The following TRMT13 variants were observed in gnomAD, a reference collection of about 807,000 sequenced individuals.
The protein encoded by TRMT13 is tRNA:m(4)X modification enzyme TRM13 homolog.
In TRMT13, 45 loss-of-function variants were observed where a neutral mutation model predicts 55.9. The ratio of observed to expected loss-of-function variants is 0.80; its 90% CI spans 0.63 to 1.03. The LOEUF is 1.03. Among genes scored for constraint, TRMT13 ranks in the 50% least tolerant of loss-of-function variants. The pLI is 0.00. For synonymous variants in TRMT13, 183 were observed against 196.3 expected, an observed-to-expected ratio of 0.93 and a Z score of 0.57; for missense variants, 513 against 563.9, an observed-to-expected ratio of 0.91 and a Z score of 0.91.
chr1:100,141,084 A>C, intron 7 of TRMT13, 65 bp downstream of exon 7: 2 of 1,372,080 alleles, frequency 1.5e-6, no homozygotes, highest in Non-Finnish European at 2.0e-6. Context: ...TTCAGGAAAA[A>C]AGTGATAGAA....
At position 100,140,543 on chromosome 1, in the gene TRMT13, C is replaced by A. The variant is rs1299141394; in HGVS notation, c.501+29C>A. ...TGTTTAGGCTATAGTAACTACTAAA[C>A]ATGGCCTTTGTTCATTTGTTAAAAC... On this transcript the variant is annotated intron_variant, in intron 6 of 10. Coordinates refer to ENST00000370141, the MANE Select transcript of TRMT13 (RefSeq NM_019083.3). The A allele has an allele frequency of 2.7e-6, 4 of 1,462,846 alleles. No individual in the cohort carries two copies. In the East Asian group the frequency reaches 9.1e-5, roughly 33 times the overall value. The allele number at this position is 1,462,846 out of a possible 1,614,324, so 90.6% of individuals were successfully genotyped here.
chr1:100,139,587 T>C (rs558989101), intron 3 of TRMT13, 62 bp from the exon 4 acceptor site: 4 of 978,338 alleles, frequency 4.1e-6, no homozygotes, highest in Admixed American at 2.0e-5. Context: ...ATCAGTATTT[T>C]AGTTTAATTT....
rs1196334875 is a variant in TRMT13, at chr1:100,149,467, A to T, written c.*647A>T. ...TCAAAGAAAAAAGATTATTTCACTT[A>T]ATTATTTTGTTGGATAATTGTCTAG... On this transcript the variant is annotated 3_prime_UTR_variant, in exon 11 of 11. Transcript: ENST00000370141. The T allele has an allele frequency of 2.6e-6, 4 of 1,526,656 alleles. No homozygotes were observed. In the Admixed American group the frequency reaches 8.6e-5, roughly 33 times the overall value. The allele number at this position is 1,526,656 out of a possible 1,614,324, so 94.6% of individuals were successfully genotyped here.
chr1:100,146,946 CTAA>C (rs1657342811), intron 9 of TRMT13, among the ~76,000 whole-genome samples: 1 of 152,190 alleles, frequency 6.6e-6, no homozygotes, highest in Non-Finnish European at 1.5e-5. Context: ...TAATGGGTTT[CTAA>C]TGTTTGTTGA....
intron 7 of TRMT13, 43 bp from the exon 8 acceptor site, chr1:100,143,094 A>C (rs1390386416): frequency 7.7e-7 from 1 of 1,298,624 alleles, no homozygotes; most frequent in Non-Finnish European, 1.1e-6. Context: ...AAGCTTTTTT[A>C]AATGTAAGAA....
At position 100,148,234 on chromosome 1, in the gene TRMT13, C is replaced by A; in HGVS notation, c.1158C>A (p.Thr386=). The change falls in exon 10 of 11, where the codon ACC becomes ACA. Residue 386 remains threonine (T), a synonymous_variant. Coordinates refer to ENST00000370141, the MANE Select transcript of TRMT13 (RefSeq NM_019083.3). ...CATCTTTGGAAACCTCAAATAGTAC[C>A]ACAAAGAGGCAAGATAATCAGAATG... ...RKTSLETSNS[T]TKRQDNQNDD... is the part of the protein sequence containing the mutation. 1 of 1,613,986 alleles carries A rather than the reference C, an allele frequency of 6.2e-7. No homozygotes were observed. Among genetic ancestry groups the A allele is most frequent in the South Asian group, 1.1e-5 (1 of 91,078 alleles).
At chr1:100,138,085 C>T (rs1656114874) in intron 3 of TRMT13, among the ~76,000 whole-genome samples, 2 of 152,138 alleles carry the variant, frequency 1.3e-5, no homozygotes, top group South Asian at 2.1e-4. Flanking sequence ...TGCATACCAA[C>T]ACACAGTGGC....
At chr1:100,144,184 GT>G in intron 9 of TRMT13, 41 bp downstream of exon 9, 1 of 1,547,518 alleles carries the variant, frequency 6.5e-7, no homozygotes, top group Non-Finnish European at 8.9e-7. Flanking sequence ...AATGCATTAA[GT>G]TTTGGCCTAA....
At chr1:100,136,173 T>A (rs1376763265) in intron 1 of TRMT13, among the ~76,000 whole-genome samples, 1 of 152,240 alleles carries the variant, frequency 6.6e-6, no homozygotes, top group Non-Finnish European at 1.5e-5. Context: ...GAGTAGGATG[T>A]AACTGATAGT....
Position 100,149,677 on chromosome 1 carries a change from A to G in TRMT13, c.*857A>G, listed in dbSNP as rs1657761597. 3.1e-6 allele frequency: 1 copy of G among 320,620 alleles called. No homozygotes were observed. The highest frequency in any genetic ancestry group is 2.2e-5 in the African/African-American group (1 of 45,088). 19.9% of individuals were successfully genotyped at this position (320,620 alleles called of 1,614,324 possible). ...AAATAGAAATTAGATAATGAAACCA[A>G]AAACCTTCTCAAATTTAGGCCTTAT... is the stretch of plus-strand genomic sequence containing the variant. On this transcript the variant is annotated 3_prime_UTR_variant, in exon 11 of 11. Coordinates refer to ENST00000370141, the MANE Select transcript of TRMT13 (RefSeq NM_019083.3).
chr1:100,148,041 A>G lies in TRMT13; in HGVS notation c.965A>G (p.Glu322Gly). The change falls in exon 10 of 11, where the codon GAG becomes GGG. Residue 322 changes from glutamate (E) to glycine (G), a missense_variant. By Grantham distance (98) the Glu-to-Gly change is moderately conservative. Transcript: ENST00000370141. ...AKEGNEKNVP[E>G]KWNPVAGIVI... ...GAAGGAAATGAAAAAAATGTCCCAGAGAAGTGGAACCCTGTGGCTGGCATT... is the reference window on the plus strand; with the variant it reads ...GAAGGAAATGAAAAAAATGTCCCAGGGAAGTGGAACCCTGTGGCTGGCATT... The G allele has an allele frequency of 6.2e-7, 1 of 1,614,226 alleles. No homozygotes were observed. The highest frequency in any genetic ancestry group is 8.5e-7 in the Non-Finnish European group (1 of 1,180,036).
intron 10 of TRMT13, 116 bp downstream of exon 10, chr1:100,148,442 A>G (rs1657568526): frequency 8.5e-7 from 1 of 1,176,772 alleles, no homozygotes; most frequent in African/African-American, 1.6e-5. Context: ...TAATTTTAGA[A>G]TAAGCTAAAA....
intron 9 of TRMT13, 21 bp downstream of exon 9, chr1:100,144,164 T>C (rs1028020338): frequency 1.2e-6 from 2 of 1,601,128 alleles, no homozygotes; most frequent in South Asian, 1.1e-5. Context: ...ATACTGATAA[T>C]GTTTACATTA....
chr1:100,139,728 A>C lies in TRMT13; in HGVS notation c.324+17A>C. Reference sequence around the variant, plus strand: ...GAACAATTAGTAAGTACATTGACTTAATATTTAATTTTAAAAGATATTTAT... The same window carrying C: ...GAACAATTAGTAAGTACATTGACTTCATATTTAATTTTAAAAGATATTTAT... On this transcript the variant is annotated intron_variant, in intron 4 of 10. Transcript: ENST00000370141. 7.1e-7 allele frequency: 1 copy of C among 1,410,746 alleles called. No individual in the cohort carries two copies. Among genetic ancestry groups the C allele is most frequent in the South Asian group, 1.2e-5 (1 of 81,368 alleles). 87.4% of individuals were successfully genotyped at this position (1,410,746 alleles called of 1,614,324 possible).
intron 9 of TRMT13, among the ~76,000 whole-genome samples, chr1:100,145,006 CAT>C (rs1166970590): frequency 2.0e-5 from 3 of 152,196 alleles, no homozygotes; most frequent in Non-Finnish European, 2.9e-5. Context: ...ACAATGGACT[CAT>C]ATATGACAGT....
chr1:100,136,311 G>A (rs568778044), intron 1 of TRMT13, among the ~76,000 whole-genome samples: 2 of 152,248 alleles, frequency 1.3e-5, no homozygotes, highest in Non-Finnish European at 2.9e-5. Context: ...AAATCCATAT[G>A]TCAATGGGCA....
chr1:100,141,536 C>T (rs925907394), intron 7 of TRMT13, among the ~76,000 whole-genome samples: 12 of 152,182 alleles, frequency 7.9e-5, no homozygotes, highest in African/African-American at 2.9e-4. Context: ...CTCACTTTGT[C>T]GCCCAGGCTG....
intron 1 of TRMT13, among the ~76,000 whole-genome samples, chr1:100,135,395 T>A (rs1368313063): frequency 6.6e-6 from 1 of 150,888 alleles, no homozygotes. Context: ...AAAAAAAAAA[T>A]TTCTTAGCTT....
chr1:100,147,878 A>G lies in TRMT13; in HGVS notation c.818-16A>G. 1 of 1,574,574 alleles carries G rather than the reference A, an allele frequency of 6.4e-7. No individual in the cohort carries two copies. The highest frequency in any genetic ancestry group is 8.6e-7 in the Non-Finnish European group (1 of 1,163,172). On this transcript the variant is annotated splice_polypyrimidine_tract_variant and intron_variant, in intron 9 of 10. Coordinates refer to ENST00000370141, the MANE Select transcript of TRMT13 (RefSeq NM_019083.3). ...AGATGATGTGGTTTGGGGGGGCCAC[A>G]TAATTGTGTTTGCAGATCTTGCATT... is the stretch of plus-strand genomic sequence containing the variant.
Sources: gnomAD v4.1 joint callset for allele counts (sites outside exome capture counted in the v4.1 genomes callset) on GRCh38, gnomAD v4.1.1 for gene constraint, MANE v1.5 for transcripts, NCBI Gene and HGNC (gene_info 2026-07-23, HGNC 2026-07-21) for gene names.